LRRC36: variants seen among roughly 807,000 people sequenced by gnomAD.
The protein encoded by LRRC36 is leucine-rich repeat-containing protein 36.
LRRC36 carries 62 observed loss-of-function variants against 81.1 expected under a neutral mutation model. The observed-to-expected ratio is 0.76, with a 90% CI of 0.62 to 0.94. The LOEUF is 0.94. LRRC36 is among the 40% of genes least tolerant of loss of function. The probability of loss-of-function intolerance (pLI) is 0.00; values close to 1 mark genes in which losing one functional copy is unlikely to be tolerated. For synonymous variants in LRRC36, 334 were observed against 348.6 expected, an observed-to-expected ratio of 0.96 and a Z score of 0.47; for missense variants, 761 against 881.7, an observed-to-expected ratio of 0.86 and a Z score of 1.73.
At chr16:67,358,100 T>G (rs182180772) in intron 5 of LRRC36, among the ~76,000 whole-genome samples, 3 of 151,630 alleles carry the variant, frequency 2.0e-5, no homozygotes, top group Admixed American at 2.0e-4. Context: ...AGAATACAAA[T>G]TGCTTCATTT....
At chr16:67,339,787 C>G (rs1334322834) in intron 1 of LRRC36, among the ~76,000 whole-genome samples, 1 of 151,274 alleles carries the variant, frequency 6.6e-6, no homozygotes. Flanking sequence ...AGATTCTACT[C>G]CCACTAATTT....
intron 1 of LRRC36, among the ~76,000 whole-genome samples, chr16:67,340,046 GC>G (rs1248887663): frequency 6.6e-6 from 1 of 152,108 alleles, no homozygotes; most frequent in East Asian, 1.9e-4. Context: ...GGAGGCTGAG[GC>G]AGGAGAATCA....
At chr16:67,337,402 T>C (rs2037814608) in intron 1 of LRRC36, among the ~76,000 whole-genome samples, 1 of 151,000 alleles carries the variant, frequency 6.6e-6, no homozygotes, top group African/African-American at 2.4e-5. Context: ...AGTTTCACTC[T>C]TGTTGCCCAG....
intron 7 of LRRC36, among the ~76,000 whole-genome samples, chr16:67,366,050 A>G (rs1426326555): frequency 6.6e-6 from 1 of 152,064 alleles, no homozygotes; most frequent in Non-Finnish European, 1.5e-5. Flanking sequence ...TTGTGTGATA[A>G]TGCCTCTATT....
chr16:67,377,103 A>G (rs927773719), intron 11 of LRRC36, among the ~76,000 whole-genome samples: 3 of 152,208 alleles, frequency 2.0e-5, no homozygotes, highest in African/African-American at 7.2e-5. Flanking sequence ...ATAAGAAGAA[A>G]CAAACAAAAA....
chr16:67,375,103 G>A, intron 9 of LRRC36, 144 bp from the exon 10 acceptor site: 7 of 829,476 alleles, frequency 8.4e-6, no homozygotes, highest in Middle Eastern at 3.3e-4. Flanking sequence ...CTCCAGCCTG[G>A]GTGACAGAGC....
At chr16:67,344,142 T>C (rs978923886) in intron 2 of LRRC36, among the ~76,000 whole-genome samples, 10 of 152,208 alleles carry the variant, frequency 6.6e-5, no homozygotes, top group Admixed American at 6.5e-4. Context: ...TATTAATCTT[T>C]AACAGTTCTG....
At chr16:67,370,817 C>A in intron 8 of LRRC36, 127 bp from the exon 9 acceptor site, 1 of 729,540 alleles carries the variant, frequency 1.4e-6, no homozygotes, top group Non-Finnish European at 2.3e-6. Flanking sequence ...GGAGTTTTGT[C>A]AGAGAGTTGA....
At chr16:67,331,227 T>A (rs1032988167) in intron 1 of LRRC36, among the ~76,000 whole-genome samples, 1 of 152,148 alleles carries the variant, frequency 6.6e-6, no homozygotes, top group Non-Finnish European at 1.5e-5. Context: ...CACCTCGCAG[T>A]GCTGTTACAT....
intron 10 of LRRC36, among the ~76,000 whole-genome samples, chr16:67,376,055 A>G (rs2039878361): frequency 6.6e-6 from 1 of 152,236 alleles, no homozygotes; most frequent in South Asian, 2.1e-4. Context: ...AACGCCTGTA[A>G]TCCCAGCACT....
Position 67,376,894 on chromosome 16 carries a change from T to A in LRRC36, c.1806+22T>A, listed in dbSNP as rs374283006. ...CATGGTATGCCCCTCTCATCTCCCT[T>A]TAGAAAAGGACAGAGCAGCAGAACT... is the stretch of plus-strand genomic sequence containing the variant. On this transcript the variant is annotated intron_variant, in intron 11 of 13. Coordinates refer to ENST00000329956, the MANE Select transcript of LRRC36 (RefSeq NM_018296.6). 33 of 1,594,732 alleles carry A rather than the reference T, an allele frequency of 2.1e-5. No individual in the cohort carries two copies. In the South Asian group the frequency reaches 3.3e-4, roughly 16 times the overall value.
chr16:67,352,642 CTTATTTAT>C (rs140957876), intron 5 of LRRC36, among the ~76,000 whole-genome samples: 5,796 of 142,812 alleles, frequency 0.041, 257 homozygotes, highest in African/African-American at 0.11. Flanking sequence ...AAATAAATGT[CTTATTTAT>C]TTATTTATTT....
intron 1 of LRRC36, among the ~76,000 whole-genome samples, chr16:67,335,660 A>G (rs1219403095): frequency 6.6e-6 from 1 of 151,712 alleles, no homozygotes; most frequent in East Asian, 1.9e-4. Context: ...TTCACAATTT[A>G]TGTTCTTCTG....
intron 5 of LRRC36, among the ~76,000 whole-genome samples, chr16:67,361,312 A>C (rs1358690788): frequency 2.0e-5 from 3 of 152,082 alleles, no homozygotes; most frequent in Non-Finnish European, 4.4e-5. Flanking sequence ...GATTACAGAC[A>C]CGAGCCACTG....
At chr16:67,341,819 A>G (rs1277372301) in intron 1 of LRRC36, 138 bp from the exon 2 acceptor site, 3 of 505,822 alleles carry the variant, frequency 5.9e-6, no homozygotes, top group Non-Finnish European at 1.0e-5. Context: ...TGCTTTTAAA[A>G]AGAAGATCTG....
At chr16:67,379,896 T>TAGAAA (rs1368401655) in intron 12 of LRRC36, among the ~76,000 whole-genome samples, 1 of 152,212 alleles carries the variant, frequency 6.6e-6, no homozygotes, top group African/African-American at 2.4e-5. Context: ...CATCCTAATG[T>TAGAAA]TATTAATTTC....
At chr16:67,342,765 T>A (rs1267848748) in intron 2 of LRRC36, among the ~76,000 whole-genome samples, 1 of 152,216 alleles carries the variant, frequency 6.6e-6, no homozygotes, top group Non-Finnish European at 1.5e-5. Flanking sequence ...GCCCAAGCTC[T>A]GCACCTGTCT....
intron 5 of LRRC36, among the ~76,000 whole-genome samples, chr16:67,362,789 T>C (rs2142088111): frequency 6.6e-6 from 1 of 152,094 alleles, no homozygotes; most frequent in South Asian, 2.1e-4. Context: ...GTTGTTGTTG[T>C]TTTATTGAGA....
At chr16:67,375,144 A>C in intron 9 of LRRC36, 103 bp from the exon 10 acceptor site, 1 of 1,379,244 alleles carries the variant, frequency 7.3e-7, no homozygotes. Context: ...AAATTAAAAA[A>C]AAAAAAGTCT....
Sources: gnomAD v4.1 joint callset for allele counts (sites outside exome capture counted in the v4.1 genomes callset) on GRCh38, gnomAD v4.1.1 for gene constraint, MANE v1.5 for transcripts, NCBI Gene and HGNC (gene_info 2026-07-23, HGNC 2026-07-21) for gene names.